Variants in WWC1 observed in about 807,000 individuals in gnomAD.
The protein encoded by WWC1 is protein KIBRA.
A neutral mutation model predicts 138.4 loss-of-function variants in WWC1; 55 were observed. The observed-to-expected ratio is 0.40, with a 90% CI of 0.32 to 0.50. The LOEUF (loss-of-function observed/expected upper bound fraction) is 0.50, where lower values mean the gene tolerates loss of function less well. Ranked by LOEUF, WWC1 falls within the 20% of genes least tolerant of loss-of-function variation. The probability of loss-of-function intolerance (pLI) is 0.72; values close to 1 mark genes in which losing one functional copy is unlikely to be tolerated. For missense variants in WWC1, 1,226 were observed against 1,420.4 expected (o/e 0.86, Z 2.20); for synonymous variants, 524 against 564.9 (o/e 0.93, Z 1.03).
chr5:168,310,803 A>G (rs897830348), intron 1 of WWC1, among the ~76,000 whole-genome samples: 16 of 149,742 alleles, frequency 1.1e-4, no homozygotes, highest in African/African-American at 4.0e-4. Flanking sequence ...GTGCCACTGC[A>G]CTCCAGCCTG....
At chr5:168,437,517 C>T (rs970011933) in intron 15 of WWC1, among the ~76,000 whole-genome samples, 2 of 152,100 alleles carry the variant, frequency 1.3e-5, no homozygotes, top group African/African-American at 2.4e-5. Context: ...GTTATCTGAT[C>T]CCCCTAGATG....
chr5:168,397,331 C>T (rs541136461), intron 3 of WWC1, among the ~76,000 whole-genome samples: 11 of 152,034 alleles, frequency 7.2e-5, no homozygotes, highest in South Asian at 4.1e-4. Flanking sequence ...TTAGCAGAGG[C>T]GGGATTTCCC....
Position 168,406,434 on chromosome 5 carries a change from C to G in WWC1, c.720+107C>G, listed in dbSNP as rs879097739. 44 of 1,467,618 alleles carry G rather than the reference C, an allele frequency of 3.0e-5. No individual in the cohort carries two copies. The South Asian group carries it at 5.1e-4, about 17-fold the overall frequency. The allele number at this position is 1,467,618 out of a possible 1,614,324, so 90.9% of individuals were successfully genotyped here. On this transcript the variant is annotated intron_variant, in intron 6 of 22. Coordinates refer to ENST00000265293, the MANE Select transcript of WWC1 (RefSeq NM_015238.3). The stretch of plus-strand genomic sequence containing the variant: ...CACGTGGTACACACATCACTGAGTT[C>G]TCATTACCAGTCTTCCTGGGGTTTT...
chr5:168,326,547 T>C (rs1428718216), intron 1 of WWC1, among the ~76,000 whole-genome samples: 2 of 142,440 alleles, frequency 1.4e-5, no homozygotes, highest in Admixed American at 7.2e-5. Context: ...GTTGTTGTTG[T>C]TGTTGTTTTT....
At chr5:168,304,326 G>C (rs1770361528) in intron 1 of WWC1, among the ~76,000 whole-genome samples, 1 of 152,194 alleles carries the variant, frequency 6.6e-6, no homozygotes, top group Non-Finnish European at 1.5e-5. Context: ...CTTCCTAGTA[G>C]ACAATGACTT....
intron 1 of WWC1, among the ~76,000 whole-genome samples, chr5:168,309,748 CTCTG>C (rs1216713283): frequency 6.6e-6 from 1 of 152,080 alleles, no homozygotes; most frequent in African/African-American, 2.4e-5. Context: ...AGACCTCTCC[CTCTG>C]TCTTAGTAGA....
At chr5:168,296,581 A>G (rs955677085) in intron 1 of WWC1, among the ~76,000 whole-genome samples, 4 of 152,170 alleles carry the variant, frequency 2.6e-5, no homozygotes, top group Non-Finnish European at 2.9e-5. Flanking sequence ...GCTTGTCACC[A>G]TGGAAAGGCC....
chr5:168,292,541 C>T lies in WWC1; in HGVS notation c.119+270C>T, dbSNP rs1451125033. On this transcript the variant is annotated intron_variant, in intron 1 of 22. Transcript: ENST00000265293. This position sits in a 1 kb window ranked among gnomAD's most constrained non-coding sequence, Gnocchi z 4.4. The stretch of plus-strand genomic sequence containing the variant: ...GGACTTAGGCCCCAGCCGGCACCTG[C>T]CCGGAGTTTTGACCTTAAGCTCTAG... Among the ~76,000 whole-genome samples, 1 of 152,032 alleles carries T rather than the reference C, an allele frequency of 6.6e-6. No individual in the cohort carries two copies. Among genetic ancestry groups the T allele is most frequent in the African/African-American group, 2.4e-5 (1 of 41,402 alleles).
At chr5:168,419,750 T>C (rs1780939420) in intron 9 of WWC1, among the ~76,000 whole-genome samples, 2 of 152,084 alleles carry the variant, frequency 1.3e-5, no homozygotes, top group African/African-American at 4.8e-5. Context: ...GGGCCCTTTA[T>C]TTTGTAGTGG....
At chr5:168,350,984 A>G (rs1270807668) in intron 1 of WWC1, among the ~76,000 whole-genome samples, 1 of 152,046 alleles carries the variant, frequency 6.6e-6, no homozygotes, top group African/African-American at 2.4e-5. Flanking sequence ...TGTCTCTACT[A>G]AAAACACAAA....
chr5:168,332,989 A>G (rs1320952242), intron 1 of WWC1, among the ~76,000 whole-genome samples: 3 of 152,220 alleles, frequency 2.0e-5, no homozygotes, highest in Non-Finnish European at 4.4e-5. Flanking sequence ...GATTACAGGC[A>G]TGAGCCACTG....
intron 5 of WWC1, among the ~76,000 whole-genome samples, chr5:168,403,014 CTTT>C (rs1779441106): frequency 1.4e-5 from 1 of 70,780 alleles, no homozygotes; most frequent in Admixed American, 1.3e-4. Context: ...CTTTTTCTTT[CTTT>C]CTTTCTTTCT....
At chr5:168,312,668 A>C (rs1487789367) in intron 1 of WWC1, among the ~76,000 whole-genome samples, 1 of 152,208 alleles carries the variant, frequency 6.6e-6, no homozygotes, top group Non-Finnish European at 1.5e-5. Context: ...AGCTGCTGCA[A>C]ATCATGAGAG....
At chr5:168,397,574 A>G (rs1023420143) in intron 3 of WWC1, 150 bp from the exon 4 acceptor site, 3 of 720,792 alleles carry the variant, frequency 4.2e-6, no homozygotes, top group African/African-American at 3.5e-5. Context: ...CGCGTGTACC[A>G]TCTTTATGTA....
chr5:168,439,055 T>C lies in WWC1; in HGVS notation c.2281-2627T>C, dbSNP rs116223288. 6.9e-3 allele frequency among the ~76,000 whole-genome samples: 1,056 copies of C among 152,280 alleles called. 10 individuals are homozygous for C. The highest frequency in any genetic ancestry group is 0.011 in the Non-Finnish European group (747 of 68,020). ...TCCATTATTTCTTGTGCACATATGATCATGGTCACTCCCCCTGGCACCTCA... is the reference window on the plus strand; with the variant it reads ...TCCATTATTTCTTGTGCACATATGACCATGGTCACTCCCCCTGGCACCTCA... On this transcript the variant is annotated intron_variant, in intron 15 of 22. Transcript: ENST00000265293.
intron 2 of WWC1, among the ~76,000 whole-genome samples, chr5:168,372,022 CGAGAGA>C (rs10602598): frequency 4.1e-5 from 6 of 145,712 alleles, no homozygotes; most frequent in South Asian, 4.3e-4. Context: ...AGTGAATTGG[CGAGAGA>C]GAGAGAGAGA....
chr5:168,318,586 T>G (rs951025815), intron 1 of WWC1, among the ~76,000 whole-genome samples: 7 of 145,948 alleles, frequency 4.8e-5, no homozygotes, highest in Non-Finnish European at 6.0e-5. Flanking sequence ...TGAGATGGAG[T>G]TTCGCTCTTG....
At chr5:168,342,266 T>A (rs915791374) in intron 1 of WWC1, among the ~76,000 whole-genome samples, 4 of 152,034 alleles carry the variant, frequency 2.6e-5, no homozygotes, top group African/African-American at 9.7e-5. Context: ...AAGATCAGGG[T>A]AATAGGTTCT....
intron 15 of WWC1, among the ~76,000 whole-genome samples, chr5:168,439,874 C>G (rs974705288): frequency 6.6e-6 from 1 of 152,166 alleles, no homozygotes; most frequent in Non-Finnish European, 1.5e-5. Context: ...GCCTATTTCC[C>G]CATAACCTCA....
Sources: allele counts gnomAD v4.1 joint callset (sites outside exome capture counted in the v4.1 genomes callset), GRCh38; gene constraint gnomAD v4.1.1; non-coding constraint Gnocchi (gnomAD v3.1); transcripts MANE v1.5; gene names NCBI Gene and HGNC (gene_info 2026-07-23, HGNC 2026-07-21).